Variants in DCTN1 observed in about 807,000 individuals in gnomAD.
The protein encoded by DCTN1 is 150 kDa dynein-associated polypeptide.
Under a neutral mutation model 161.2 loss-of-function variants are expected in DCTN1, and 61 were observed. That is an observed-to-expected ratio of 0.38 (90% CI 0.31 to 0.47). The LOEUF is 0.47. Among genes scored for constraint, DCTN1 ranks in the 20% least tolerant of loss-of-function variants. The probability of loss-of-function intolerance (pLI) is 0.99; values close to 1 mark genes in which losing one functional copy is unlikely to be tolerated. For synonymous variants in DCTN1, 653 were observed against 632.4 expected, an observed-to-expected ratio of 1.03 and a Z score of -0.49; for missense variants, 1,404 against 1,623.7, an observed-to-expected ratio of 0.86 and a Z score of 2.33.
chr2:74,383,103 T>TA (rs200663756), upstream of DCTN1, among the ~76,000 whole-genome samples: 5,989 of 150,726 alleles, frequency 0.04, 400 homozygotes, highest in African/African-American at 0.14. Context: ...AATAAATAAA[T>TA]AAAATAAAAA....
At chr2:74,368,372 G>C in intron 16 of DCTN1, 1 of 627,662 alleles carries the variant, frequency 1.6e-6, no homozygotes, top group Admixed American at 2.9e-5. Flanking sequence ...TGGAATCAAG[G>C]TCTTTCCTGA....
Position 74,371,695 on chromosome 2 carries a change from C to T in DCTN1, c.487G>A (p.Ala163Thr), listed in dbSNP as rs746429168. ...CCAGAGGGGCCCAGGGAGCTACTGGCCCCAGCCACCCCAGTACTGGCTGGG... is the reference window on the plus strand; with the variant it reads ...CCAGAGGGGCCCAGGGAGCTACTGGTCCCAGCCACCCCAGTACTGGCTGGG... Reference protein sequence around the residue: ...TRPASTGVAGASSSLGPSGSA... With the variant: ...TRPASTGVAGTSSSLGPSGSA... The change falls in exon 8 of 32, where the codon GCC becomes ACC. Residue 163 changes from alanine (A) to threonine (T), a missense_variant. Coordinates refer to ENST00000628224, the MANE Select transcript of DCTN1 (RefSeq NM_004082.5). The T allele has an allele frequency of 1.4e-5, 23 of 1,607,144 alleles. No individual in the cohort carries two copies. The highest frequency in any genetic ancestry group is 1.8e-5 in the Non-Finnish European group (21 of 1,177,980).
chr2:74,366,389 G>A lies in DCTN1; in HGVS notation c.2629-14C>T, dbSNP rs1347242553. ...GGTCCCATAGATCTGCAGGAGCCAA[G>A]GGCAGAAGTAAAAGCCCCACACTGG... On this transcript the variant is annotated splice_polypyrimidine_tract_variant and intron_variant, in intron 22 of 31. Coordinates refer to ENST00000628224, the MANE Select transcript of DCTN1 (RefSeq NM_004082.5). 1.2e-6 allele frequency: 2 copies of A among 1,614,160 alleles called. No individual in the cohort carries two copies. The highest frequency in any genetic ancestry group is 1.7e-6 in the Non-Finnish European group (2 of 1,180,020).
rs148309981 is a variant in DCTN1 at position 74,363,458 on chromosome 2, C to G, written c.3212-31G>C. 8.7e-6 allele frequency: 14 copies of G among 1,610,660 alleles called. No homozygotes were observed. In the East Asian group the frequency reaches 3.1e-4, roughly 36 times the overall value. On this transcript the variant is annotated intron_variant, in intron 27 of 31. Coordinates refer to ENST00000628224, the MANE Select transcript of DCTN1 (RefSeq NM_004082.5). ...GGGACCATAAAAAATCTCATCAGCC[C>G]CAAGTGGAAAGGGTTGAAAATTGGG...
At chr2:74,364,742 C>T (rs1674274138) in intron 26 of DCTN1, 2 of 394,446 alleles carry the variant, frequency 5.1e-6, no homozygotes, top group Admixed American at 3.7e-5. Context: ...GTCAGCCCAG[C>T]CTGCTGCTGG....
chr2:74,363,682 T>G (rs1054577743), intron 26 of DCTN1, 54 bp from the exon 27 acceptor site: 2 of 1,610,232 alleles, frequency 1.2e-6, no homozygotes, highest in African/African-American at 1.3e-5. Context: ...AGGAGTTAGG[T>G]GATTTGGGGG....
At chr2:74,372,684 C>A (rs1230749259) in intron 7 of DCTN1, among the ~76,000 whole-genome samples, 1 of 152,222 alleles carries the variant, frequency 6.6e-6, no homozygotes, top group Admixed American at 6.5e-5. Flanking sequence ...GATTAACCAC[C>A]ACAACCCCAT....
chr2:74,378,723 T>A (rs1675366617), intron 1 of DCTN1, among the ~76,000 whole-genome samples: 1 of 152,218 alleles, frequency 6.6e-6, no homozygotes, highest in African/African-American at 2.4e-5. Context: ...TTGTCTCCTC[T>A]GTGTTTCAAA....
At chr2:74,382,922 A>G (rs1675574496), upstream of DCTN1, among the ~76,000 whole-genome samples, 2 of 151,256 alleles carry the variant, frequency 1.3e-5, no homozygotes, top group Admixed American at 1.3e-4. Flanking sequence ...AATACAAAAA[A>G]AAATTAGCCG....
chr2:74,362,036 C>T lies in DCTN1; in HGVS notation c.3699+16G>A, dbSNP rs747490958. 48 of 1,612,520 alleles carry T rather than the reference C, an allele frequency of 3.0e-5. No individual in the cohort carries two copies. The highest frequency in any genetic ancestry group is 3.3e-4 in the Middle Eastern group (2 of 6,036). ...TCTCCACACTGTCCCATCCTCCACCCCATGCTCCCCCTCACCCTGAGGAAG... is the reference window on the plus strand; with the variant it reads ...TCTCCACACTGTCCCATCCTCCACCTCATGCTCCCCCTCACCCTGAGGAAG... On this transcript the variant is annotated intron_variant, in intron 31 of 31. Coordinates refer to ENST00000628224, the MANE Select transcript of DCTN1 (RefSeq NM_004082.5).
At position 74,361,654 on chromosome 2, in the gene DCTN1, G is replaced by T. The variant is rs1422870146; in HGVS notation, c.3700-18C>A. 1.2e-6 allele frequency: 2 copies of T among 1,613,968 alleles called. No homozygotes were observed. The highest frequency in any genetic ancestry group is 1.3e-5 in the African/African-American group (1 of 74,892). On this transcript the variant is annotated intron_variant, in intron 31 of 31. Coordinates refer to ENST00000628224, the MANE Select transcript of DCTN1 (RefSeq NM_004082.5). ...TCCTTGGCCTGGTGGTTGATGAGGA[G>T]AAAAAGACTCCAGGTCAGGGGCTCA...
intron 1 of DCTN1, chr2:74,386,612 A>T (rs572163884): frequency 1.3e-5 from 2 of 152,280 alleles, no homozygotes; most frequent in Admixed American, 1.3e-4. Context: ...TTACATTTTC[A>T]AGTCCTTACT....
Position 74,366,800 on chromosome 2 carries a change from G to A in DCTN1, c.2449C>T (p.Leu817=). The part of the protein sequence containing the change: ...GTDAPGIPAA[L]AFGPQVSDTL... Reference sequence around the variant, plus strand: ...CCTTAAACCTGTGGTCCAAAGGCCAGTGCAGCTGGGATCCCAGGAGCATCT... The same window carrying A: ...CCTTAAACCTGTGGTCCAAAGGCCAATGCAGCTGGGATCCCAGGAGCATCT... Residue 817 remains leucine, a synonymous_variant, in exon 21 of 32, where the codon CTG becomes TTG. Transcript: ENST00000628224. 6.2e-7 allele frequency: 1 copy of A among 1,614,258 alleles called. No individual in the cohort carries two copies. Among genetic ancestry groups the A allele is most frequent in the Non-Finnish European group, 8.5e-7 (1 of 1,180,056 alleles).
At chr2:74,375,695 G>C (rs1216074482) in intron 5 of DCTN1, among the ~76,000 whole-genome samples, 2 of 152,140 alleles carry the variant, frequency 1.3e-5, no homozygotes, top group East Asian at 3.9e-4. Context: ...ACAAAGCCAA[G>C]TTTCTATGAC....
chr2:74,379,889 G>T, intron 1 of DCTN1, 116 bp downstream of exon 1: 1 of 1,066,532 alleles, frequency 9.4e-7, no homozygotes. Context: ...AACACAGTCT[G>T]AGTGCCCTCA....
upstream of DCTN1, chr2:74,380,404 G>T (rs536790281): frequency 3.2e-5 from 16 of 504,546 alleles, no homozygotes; most frequent in Non-Finnish European, 6.0e-5. Flanking sequence ...TAAGGGCTGG[G>T]CATACGCCAC....
chr2:74,385,829 A>T (rs1378085871), intron 1 of DCTN1: 1 of 152,216 alleles, frequency 6.6e-6, no homozygotes, highest in Non-Finnish European at 1.5e-5. Context: ...CTTACCTACA[A>T]ATTGTATCTG....
chr2:74,377,770 G>A (rs777025099), intron 2 of DCTN1, 44 bp from the exon 3 acceptor site: 1 of 1,575,432 alleles, frequency 6.3e-7, no homozygotes, highest in South Asian at 1.1e-5. Flanking sequence ...TTTCAATATA[G>A]CCAGATCAAG....
At chr2:74,384,327 C>A (rs1450125201), upstream of DCTN1, among the ~76,000 whole-genome samples, 1 of 152,168 alleles carries the variant, frequency 6.6e-6, no homozygotes, top group Non-Finnish European at 1.5e-5. Flanking sequence ...GGCAGAGGGG[C>A]ACATCTGAAT....
Sources: allele counts gnomAD v4.1 joint callset (sites outside exome capture counted in the v4.1 genomes callset), GRCh38; gene constraint gnomAD v4.1.1; transcripts MANE v1.5; gene names NCBI Gene and HGNC (gene_info 2026-07-23, HGNC 2026-07-21).